Variants in PFAS observed in about 807,000 individuals in gnomAD.
PFAS encodes phosphoribosylformylglycinamidine synthase.
A neutral mutation model predicts 140.6 loss-of-function variants in PFAS; 97 were observed. The observed-to-expected ratio is 0.69, with a 90% CI of 0.59 to 0.82. PFAS has a LOEUF of 0.82. PFAS is among the 40% of genes least tolerant of loss of function. The probability of loss-of-function intolerance (pLI) is 0.00; values close to 1 mark genes in which losing one functional copy is unlikely to be tolerated. For missense variants in PFAS, 1,656 were observed against 1,780.2 expected (o/e 0.93, Z 1.26); for synonymous variants, 679 against 718.8 (o/e 0.94, Z 0.88).
chr17:8,264,157 C>T (rs1989711477), intron 15 of PFAS, 55 bp from the exon 16 acceptor site: 3 of 1,603,082 alleles, frequency 1.9e-6, no homozygotes, highest in Non-Finnish European at 1.7e-6. Flanking sequence ...TAGGAACATT[C>T]CTTGCTGGTG....
intron 11 of PFAS, among the ~76,000 whole-genome samples, chr17:8,262,221 G>A (rs1989621668): frequency 6.6e-6 from 1 of 151,296 alleles, no homozygotes; most frequent in Non-Finnish European, 1.5e-5. Context: ...TTTTTTTGGT[G>A]GCTTAGTCTT....
chr17:8,262,208 C>T (rs182047978), intron 11 of PFAS, among the ~76,000 whole-genome samples: 1 of 151,980 alleles, frequency 6.6e-6, no homozygotes, highest in Admixed American at 6.6e-5. Flanking sequence ...TTCCTATATT[C>T]TCTTTTTTTG....
In PFAS at chr17:8,258,161, T is replaced by C. The variant is rs534689244; in HGVS notation, c.1298T>C (p.Met433Thr). The stretch of plus-strand genomic sequence containing the variant: ...ATGTTTAGTGGGGGCATTGGGTCCA[T>C]GGAAGCTGACCACATAAGCAAGGAG... ...PIMFSGGIGS[M>T]EADHISKEAP... The change falls in exon 11 of 28, where the codon ATG becomes ACG. Residue 433 changes from methionine (M) to threonine (T), a missense_variant. Around this residue, in one of 2 missense-constraint regions of PFAS, gnomAD observed 773 missense variants for 757.3 expected, o/e 1.02. Coordinates refer to ENST00000314666, the MANE Select transcript of PFAS (RefSeq NM_012393.3). The C allele has an allele frequency of 1.7e-5, 27 of 1,614,072 alleles. No homozygotes were observed. The South Asian group carries it at 2.9e-4, about 17-fold the overall frequency.
At chr17:8,248,410 A>ATTTTTTTTTTTTTTTTTTTTTTTT (rs35534210), upstream of PFAS, among the ~76,000 whole-genome samples, 4 of 67,646 alleles carry the variant, frequency 5.9e-5, no homozygotes, top group Admixed American at 1.4e-4. Context: ...CGCCCGGCTA[A>ATTTTTTTTTTTTTTTTTTTTTTTT]TTTTTTTTTT....
At chr17:8,259,498 TTGGTTGGGCACAG>T (rs1989506385) in intron 11 of PFAS, among the ~76,000 whole-genome samples, 1 of 152,050 alleles carries the variant, frequency 6.6e-6, no homozygotes, top group African/African-American at 2.4e-5. Context: ...AAAAGTATAG[TTGGTTGGGCACAG>T]TGGCTCACGC....
At chr17:8,263,976 G>C in intron 15 of PFAS, 40 bp downstream of exon 15, 1 of 1,603,320 alleles carries the variant, frequency 6.2e-7, no homozygotes, top group Non-Finnish European at 8.5e-7. Context: ...CACTGGGGCA[G>C]ACATGAGCCA....
At position 8,265,571 on chromosome 17, in the gene PFAS, C is replaced by A; in HGVS notation, c.2477C>A (p.Ser826Ter). The A allele has an allele frequency of 6.2e-7, 1 of 1,614,138 alleles. No homozygotes were observed. The highest frequency in any genetic ancestry group is 1.1e-5 in the South Asian group (1 of 91,074). The change falls in exon 20 of 28, where the codon TCA becomes TAA. Residue 826 changes from serine to a stop codon, truncating the protein, a stop_gained. Transcript: ENST00000314666. LOFTEE classifies it high-confidence loss of function. ...TVRAPGSLVI[S>*]AYAVCPDITA... ...TGCTCTACAGGGTCACTGGTCATCT[C>A]AGCCTATGCCGTCTGCCCAGACATC...
chr17:8,251,016 A>G (rs531552248), intron 1 of PFAS, among the ~76,000 whole-genome samples: 1 of 151,188 alleles, frequency 6.6e-6, no homozygotes, highest in South Asian at 2.1e-4. Context: ...TGCCTGGCGC[A>G]GTCGCTCACG....
chr17:8,254,992 G>T, intron 3 of PFAS, 35 bp from the exon 4 acceptor site: 1 of 1,496,326 alleles, frequency 6.7e-7, no homozygotes. Flanking sequence ...CCTGCCGGGG[G>T]TTCTCCAGTC....
At chr17:8,258,027 C>CT (rs1375319396) in intron 10 of PFAS, 44 bp from the exon 11 acceptor site, 11 of 1,613,316 alleles carry the variant, frequency 6.8e-6, no homozygotes, top group Non-Finnish European at 9.3e-6. Flanking sequence ...TGGGCGAGCA[C>CT]TGGGGGAACT....
chr17:8,253,579 G>C (rs575156840), intron 1 of PFAS, among the ~76,000 whole-genome samples: 4 of 152,002 alleles, frequency 2.6e-5, no homozygotes, highest in Admixed American at 6.6e-5. Context: ...TGCTCTTGTT[G>C]CCCAGGCTGG....
chr17:8,268,817 G>A lies in PFAS; in HGVS notation c.3667G>A (p.Glu1223Lys), dbSNP rs1989929295. 3 of 1,607,950 alleles carry A rather than the reference G, an allele frequency of 1.9e-6. No homozygotes were observed. The African/African-American group carries it at 4.0e-5, about 21-fold the overall frequency. ...PGPALMLRGM[E>K]GAVLPVWSAH... The stretch of plus-strand genomic sequence containing the variant: ...GCCAGCCCTGATGCTGCGAGGGATG[G>A]AGGGCGCCGTGCTGCCCGTGTGGAG... Residue 1223 changes from glutamate to lysine, a missense_variant, in exon 27 of 28, where the codon GAG (glutamate) becomes AAG (lysine). By Grantham distance (56) the Glu-to-Lys change is moderately conservative (BLOSUM62 1). This residue lies in a region of PFAS where 883 missense variants were observed against 1,023.0 expected (regional missense o/e 0.86). Transcript: ENST00000314666.
intron 11 of PFAS, among the ~76,000 whole-genome samples, chr17:8,261,109 C>T (rs1448938502): frequency 6.6e-6 from 1 of 152,192 alleles, no homozygotes; most frequent in African/African-American, 2.4e-5. Context: ...TCTCCACATG[C>T]TTGACAACAC....
At position 8,264,562 on chromosome 17, in the gene PFAS, G is replaced by A. The variant is rs768277546; in HGVS notation, c.2010G>A (p.Arg670=). ...ACCAGGCTCTGGAGAGGGTTCTGAG[G>A]CTGCCCGCCGTGGCCAGCAAGCGCT... The part of the protein sequence containing the change: ...SVHQALERVL[R]LPAVASKRYL... The change falls in exon 17 of 28, where the codon AGG becomes AGA. Residue 670 remains arginine, a synonymous_variant. Transcript: ENST00000314666. 1.9e-6 allele frequency: 3 copies of A among 1,612,870 alleles called. No individual in the cohort carries two copies. In the South Asian group the frequency reaches 3.3e-5, roughly 18 times the overall value.
chr17:8,254,487 A>G (rs1177766172), intron 3 of PFAS, among the ~76,000 whole-genome samples, 186 bp downstream of exon 3: 3 of 152,226 alleles, frequency 2.0e-5, no homozygotes, highest in African/African-American at 4.8e-5. Context: ...TCAAAGCAAA[A>G]TAAATTAGAT....
intron 1 of PFAS, among the ~76,000 whole-genome samples, chr17:8,251,357 C>T (rs1031143010): frequency 1.3e-5 from 2 of 152,042 alleles, no homozygotes; most frequent in Non-Finnish European, 2.9e-5. Context: ...TCGTAGCTCA[C>T]TGCAGCCTCA....
chr17:8,263,979 A>G lies in PFAS; in HGVS notation c.1791+43A>G, dbSNP rs371002179. On this transcript the variant is annotated intron_variant, in intron 15 of 27. Transcript: ENST00000314666. Reference sequence around the variant, plus strand: ...GTTGGGAGCAAACACTGGGGCAGACATGAGCCACCTGGGTATGGGCTAGAG... The same window carrying G: ...GTTGGGAGCAAACACTGGGGCAGACGTGAGCCACCTGGGTATGGGCTAGAG... 179 of 1,601,100 alleles carry G rather than the reference A, an allele frequency of 1.1e-4. No individual in the cohort carries two copies. The African/African-American group carries it at 2.1e-3, about 19-fold the overall frequency.
rs566906804 is a variant in PFAS, at chr17:8,255,872, G to A, written c.642G>A (p.Pro214=). 1.9e-5 allele frequency: 30 copies of A among 1,614,018 alleles called. No individual in the cohort carries two copies. The highest frequency in any genetic ancestry group is 1.7e-4 in the Middle Eastern group (1 of 6,056). ...TKRFQELQRN[P]STVEAFDLAQ... ...GCTTCCAGGAGCTACAGCGGAACCCGAGCACTGTGGAGGCCTTTGACTTGG... is the reference window on the plus strand; with the variant it reads ...GCTTCCAGGAGCTACAGCGGAACCCAAGCACTGTGGAGGCCTTTGACTTGG... The change falls in exon 6 of 28, where the codon CCG becomes CCA. Residue 214 remains proline (P), a synonymous_variant. Transcript: ENST00000314666.
intron 18 of PFAS, 78 bp from the exon 19 acceptor site, chr17:8,265,210 C>A: frequency 6.4e-7 from 1 of 1,568,582 alleles, no homozygotes; most frequent in Non-Finnish European, 8.7e-7. Context: ...TTTCATGTTG[C>A]AACCTCCCAG....
Sources: gnomAD v4.1 joint callset for allele counts (sites outside exome capture counted in the v4.1 genomes callset) on GRCh38, gnomAD v4.1.1 for gene constraint, gnomAD v4.1.1 regional missense constraint, MANE v1.5 for transcripts, NCBI Gene and HGNC (gene_info 2026-07-23, HGNC 2026-07-21) for gene names.